INTS3: variants seen among roughly 807,000 people sequenced by gnomAD.
INTS3 encodes SOSS complex subunit A.
A neutral mutation model predicts 146.3 loss-of-function variants in INTS3; 34 were observed. That is an observed-to-expected ratio of 0.23 (90% confidence interval 0.18 to 0.31). INTS3 has a LOEUF of 0.31. INTS3 is among the 10% of genes least tolerant of loss of function. INTS3 has a pLI of 1.00. For synonymous variants in INTS3, 475 were observed against 494.9 expected, an observed-to-expected ratio of 0.96 and a Z score of 0.53; for missense variants, 757 against 1,304.2, an observed-to-expected ratio of 0.58 and a Z score of 6.46.
rs1372279903 is a variant in INTS3, at chr1:153,752,387, G to C, written c.838G>C (p.Ala280Pro). 1.2e-6 allele frequency: 2 copies of C among 1,612,268 alleles called. No homozygotes were observed. Among genetic ancestry groups the C allele is most frequent in the Non-Finnish European group, 1.7e-6 (2 of 1,179,360 alleles). The change falls in exon 8 of 30, where the codon GCC becomes CCC. Residue 280 changes from alanine to proline, a missense_variant. Physicochemically the swap from Ala to Pro is conservative, Grantham distance 27. Transcript: ENST00000318967. ...LWKDIIHNPQ[A>P]LSPQFTGILQ... ...GAAAGATATTATCCATAATCCTCAG[G>C]CCTTGAGTCCTCAGTTCACAGGTAA...
intron 1 of INTS3, among the ~76,000 whole-genome samples, chr1:153,736,137 G>A (rs930389161): frequency 1.3e-5 from 2 of 152,164 alleles, no homozygotes; most frequent in Non-Finnish European, 2.9e-5. Context: ...CAGAGCTTGT[G>A]GGAGAGGTGG....
intron 1 of INTS3, among the ~76,000 whole-genome samples, chr1:153,731,552 T>C (rs907576013): frequency 1.3e-5 from 2 of 150,210 alleles, no homozygotes; most frequent in African/African-American, 4.9e-5. Flanking sequence ...TAAATCAGGC[T>C]GAAAGTGGGA....
chr1:153,773,206 C>T lies in INTS3; in HGVS notation c.3065C>T (p.Thr1022Met), dbSNP rs376553015. The T allele has an allele frequency of 3.7e-5, 60 of 1,613,898 alleles. No individual in the cohort carries two copies. The highest frequency in any genetic ancestry group is 4.4e-5 in the South Asian group (4 of 91,070). ...CATCTCTTCCAGGAAGAGGAAGACA[C>T]GAAACCGAAGCCTACCAAGCGGAAA... ...GSSSASEEEDTKPKPTKRKRK... is the reference protein window; with the variant it reads ...GSSSASEEEDMKPKPTKRKRK... The change falls in exon 30 of 30, where the codon ACG (threonine) becomes ATG (methionine). Residue 1022 changes from threonine to methionine, a missense_variant. By Grantham distance (81) the Thr-to-Met change is moderately conservative (BLOSUM62 -1). Coordinates refer to ENST00000318967, the MANE Select transcript of INTS3 (RefSeq NM_023015.5).
intron 9 of INTS3, 124 bp downstream of exon 9, chr1:153,754,863 C>A: frequency 2.9e-6 from 2 of 698,454 alleles, no homozygotes; most frequent in South Asian, 3.2e-5. Context: ...CGTACCTGAT[C>A]TACCTGGCTA....
At position 153,761,661 on chromosome 1, in the gene INTS3, T is replaced by G. The variant is rs1370309852; in HGVS notation, c.1501T>G (p.Ser501Ala). 1 of 1,613,150 alleles carries G rather than the reference T, an allele frequency of 6.2e-7. No individual in the cohort carries two copies. The highest frequency in any genetic ancestry group is 8.5e-7 in the Non-Finnish European group (1 of 1,179,106). ...EKFPEFCSSP[S>A]PPVEVKIEEP... is the part of the protein sequence containing the mutation. ...GTTTCCTGAGTTCTGCAGCTCACCC[T>G]CCCCACCTGTGGAAGGTATGAGGCC... The change falls in exon 14 of 30, where the codon TCC (serine) becomes GCC (alanine). Residue 501 changes from serine to alanine, a missense_variant. Ser to Ala is a moderately conservative substitution (Grantham distance 99). Coordinates refer to ENST00000318967, the MANE Select transcript of INTS3 (RefSeq NM_023015.5).
chr1:153,751,680 A>G (rs570073867), intron 7 of INTS3, among the ~76,000 whole-genome samples: 1 of 152,216 alleles, frequency 6.6e-6, no homozygotes, highest in African/African-American at 2.4e-5. Flanking sequence ...GCCCAGGCTG[A>G]TCTCAAACTC....
intron 20 of INTS3, chr1:153,767,419 C>T (rs1672631058): frequency 2.5e-6 from 1 of 402,510 alleles, no homozygotes; most frequent in African/African-American, 2.1e-5. Flanking sequence ...TGACTCTCAT[C>T]CGGCAGTAGC....
chr1:153,735,464 T>A (rs1671250691), intron 1 of INTS3, among the ~76,000 whole-genome samples: 1 of 152,198 alleles, frequency 6.6e-6, no homozygotes, highest in African/African-American at 2.4e-5. Context: ...ATGCTTCCTG[T>A]CAGTTTGCTT....
At chr1:153,760,001 A>T in intron 11 of INTS3, 3 of 504,310 alleles carry the variant, frequency 5.9e-6, no homozygotes. Flanking sequence ...CTCAGTGGAA[A>T]TGGGGGGAAT....
intron 9 of INTS3, among the ~76,000 whole-genome samples, chr1:153,756,590 T>C (rs971046951): frequency 6.6e-6 from 1 of 151,658 alleles, no homozygotes; most frequent in African/African-American, 2.4e-5. Context: ...CCAAGGCGGG[T>C]GGATCACTTG....
At chr1:153,747,162 A>C (rs2101798287) in intron 4 of INTS3, 92 bp downstream of exon 4, 2 of 1,260,350 alleles carry the variant, frequency 1.6e-6, no homozygotes, top group Non-Finnish European at 1.2e-6. Flanking sequence ...CAGGGCTAAC[A>C]CACCCCTATC....
chr1:153,728,104 C>G lies in INTS3; in HGVS notation c.-531C>G. ...GCCGCTTCTGTGTGGTGTGGGGAGACGCTGGTCCTCCCCGTCCTCCCATAG... is the reference window on the plus strand; with the variant it reads ...GCCGCTTCTGTGTGGTGTGGGGAGAGGCTGGTCCTCCCCGTCCTCCCATAG... On this transcript the variant is annotated 5_prime_UTR_variant, in exon 1 of 30. Transcript: ENST00000318967. 3.2e-6 allele frequency: 1 copy of G among 313,072 alleles called. No individual in the cohort carries two copies. The highest frequency in any genetic ancestry group is 8.6e-4 in the Middle Eastern group (1 of 1,166). 19.4% of individuals were successfully genotyped at this position (313,072 alleles called of 1,614,324 possible).
rs1671875320 is a variant in INTS3, at chr1:153,749,507, C to T, written c.584+752C>T. On this transcript the variant is annotated intron_variant, in intron 6 of 29. Transcript: ENST00000318967. ...TAGTTCAGAAGAATGGACCTCCTCC[C>T]AACGTTCACACTTGTGAAAGAGATG... Among the ~76,000 whole-genome samples the T allele has an allele frequency of 2.0e-5, 3 of 152,300 alleles. No individual in the cohort carries two copies. The South Asian group carries it at 6.2e-4, about 32-fold the overall frequency.
At position 153,764,684 on chromosome 1, in the gene INTS3, T is replaced by C. The variant is rs752410214; in HGVS notation, c.1926-6T>C. 5 of 1,604,556 alleles carry C rather than the reference T, an allele frequency of 3.1e-6. No individual in the cohort carries two copies. The highest frequency in any genetic ancestry group is 1.3e-5 in the African/African-American group (1 of 74,680). ...TGGATTCTCAAATATAACCCTCTTCTTGTAGGTCCCTGGAGGAGTCTGTAG... is the reference window on the plus strand; with the variant it reads ...TGGATTCTCAAATATAACCCTCTTCCTGTAGGTCCCTGGAGGAGTCTGTAG... On this transcript the variant is annotated splice_region_variant and splice_polypyrimidine_tract_variant and intron_variant, in intron 18 of 29. Coordinates refer to ENST00000318967, the MANE Select transcript of INTS3 (RefSeq NM_023015.5).
At chr1:153,773,157 C>T (rs1672980057) in intron 29 of INTS3, 36 bp from the exon 30 acceptor site, 3 of 1,613,532 alleles carry the variant, frequency 1.9e-6, no homozygotes, top group Non-Finnish European at 1.7e-6. Context: ...GCTGCCCAGG[C>T]TGTTAACTTC....
At chr1:153,760,523 C>T in intron 12 of INTS3, 133 bp downstream of exon 12, 1 of 711,892 alleles carries the variant, frequency 1.4e-6, no homozygotes, top group South Asian at 1.7e-5. Flanking sequence ...GTCCTATCCC[C>T]CAAGTTAATA....
At chr1:153,731,304 C>CA (rs1279955784) in intron 1 of INTS3, among the ~76,000 whole-genome samples, 2 of 152,136 alleles carry the variant, frequency 1.3e-5, no homozygotes, top group African/African-American at 4.8e-5. Context: ...AAGAGCATCC[C>CA]AGGCAGGAAC....
chr1:153,732,355 A>C (rs1356338526), intron 1 of INTS3, among the ~76,000 whole-genome samples: 1 of 152,018 alleles, frequency 6.6e-6, no homozygotes, highest in Non-Finnish European at 1.5e-5. Flanking sequence ...GTCCCCTTAC[A>C]AATCATAATT....
At chr1:153,738,573 G>A (rs1305015685) in intron 1 of INTS3, among the ~76,000 whole-genome samples, 1 of 152,188 alleles carries the variant, frequency 6.6e-6, no homozygotes, top group Non-Finnish European at 1.5e-5. Context: ...TCATTATTTA[G>A]TGATATTAAC....
Sources: gnomAD v4.1 joint callset for allele counts (sites outside exome capture counted in the v4.1 genomes callset) on GRCh38, gnomAD v4.1.1 for gene constraint, MANE v1.5 for transcripts, NCBI Gene and HGNC (gene_info 2026-07-23, HGNC 2026-07-21) for gene names.